The following DDX46 variants were observed in gnomAD, a reference collection of about 807,000 sequenced individuals.
DDX46 encodes the protein probable ATP-dependent RNA helicase DDX46.
In DDX46, 30 loss-of-function variants were observed where a neutral mutation model predicts 134.9. The observed-to-expected ratio is 0.22, with a 90% confidence interval of 0.17 to 0.30. The LOEUF (loss-of-function observed/expected upper bound fraction) is 0.30, where lower values mean the gene tolerates loss of function less well. DDX46 is among the 10% of genes least tolerant of loss of function. The probability of loss-of-function intolerance (pLI) is 1.00; values close to 1 mark genes in which losing one functional copy is unlikely to be tolerated. For synonymous variants in DDX46, 415 were observed against 404.1 expected, an observed-to-expected ratio of 1.03 and a Z score of -0.32; for missense variants, 622 against 1,248.7, an observed-to-expected ratio of 0.50 and a Z score of 7.56.
At chr5:134,783,848 C>CTTT (rs60870042) in intron 9 of DDX46, among the ~76,000 whole-genome samples, 3 of 131,320 alleles carry the variant, frequency 2.3e-5, no homozygotes, top group East Asian at 2.2e-4. Context: ...CAAGGCCGGC[C>CTTT]TTTTTTTTTT....
At chr5:134,782,845 G>A in intron 8 of DDX46, 100 bp from the exon 9 acceptor site, 2 of 1,455,008 alleles carry the variant, frequency 1.4e-6, no homozygotes, top group South Asian at 2.7e-5. Flanking sequence ...GCTGGGTCTG[G>A]CATAAGAGTT....
chr5:134,808,430 A>G (rs1755050898), intron 16 of DDX46, among the ~76,000 whole-genome samples: 1 of 152,192 alleles, frequency 6.6e-6, no homozygotes, highest in Admixed American at 6.6e-5. Context: ...AATTTACTGA[A>G]TACTGTACTG....
rs1753850253 is a variant in DDX46 at position 134,773,874 on chromosome 5, G to A, written c.613+13G>A. ...GAGGACGATGATGGTATATTTTTTA[G>A]CCTAATAGCCTGTATAACACCTCAT... On this transcript the variant is annotated intron_variant, in intron 5 of 22. Transcript: ENST00000452510. 6.3e-7 allele frequency: 1 copy of A among 1,582,330 alleles called. No individual in the cohort carries two copies. The highest frequency in any genetic ancestry group is 1.4e-5 in the African/African-American group (1 of 73,058).
chr5:134,779,967 C>T (rs555367579), intron 6 of DDX46, among the ~76,000 whole-genome samples: 6 of 152,152 alleles, frequency 3.9e-5, no homozygotes, highest in East Asian at 3.9e-4. Flanking sequence ...GGTGTGATGG[C>T]GGACGCCTCT....
intron 2 of DDX46, among the ~76,000 whole-genome samples, chr5:134,766,101 C>A (rs2150129718): frequency 6.6e-6 from 1 of 152,248 alleles, no homozygotes; most frequent in African/African-American, 2.4e-5. Flanking sequence ...GAAATTCTTG[C>A]CTCTTCATCT....
At chr5:134,773,002 G>C (rs1001247816) in intron 4 of DDX46, among the ~76,000 whole-genome samples, 65 of 152,302 alleles carry the variant, frequency 4.3e-4, no homozygotes, top group Non-Finnish European at 5.7e-4. Flanking sequence ...GTTTCACCAT[G>C]TTGGCCAGGG....
Position 134,766,975 on chromosome 5 carries a change from G to A in DDX46, c.265G>A (p.Asp89Asn), listed in dbSNP as rs1175514105. 1 of 1,614,086 alleles carries A rather than the reference G, an allele frequency of 6.2e-7. No individual in the cohort carries two copies. Among genetic ancestry groups the A allele is most frequent in the South Asian group, 1.1e-5 (1 of 91,078 alleles). ...AGAGCGAAGAAGATCTCGAAGTAGA[G>A]ACAGGAGACGCTCAAGGAGTAGAAG... is the stretch of plus-strand genomic sequence containing the variant. ...SRERRRSRSR[D>N]RRRSRSRSRG... The change falls in exon 3 of 23, where the codon GAC becomes AAC. Residue 89 changes from aspartate to asparagine, a missense_variant. Asp to Asn is a conservative substitution (Grantham distance 23). This residue lies in a region of DDX46 where 244 missense variants were observed against 349.3 expected (regional missense o/e 0.70). Coordinates refer to ENST00000452510, the MANE Select transcript of DDX46 (RefSeq NM_001300860.2).
At chr5:134,825,325 A>G (rs1469351532) in intron 21 of DDX46, among the ~76,000 whole-genome samples, 5 of 151,946 alleles carry the variant, frequency 3.3e-5, no homozygotes, top group Non-Finnish European at 7.4e-5. Flanking sequence ...TTCCCCACGT[A>G]GTTTTATAGT....
At chr5:134,799,733 C>T (rs1346814122) in intron 15 of DDX46, among the ~76,000 whole-genome samples, 14 of 147,098 alleles carry the variant, frequency 9.5e-5, no homozygotes, top group African/African-American at 3.5e-4. Context: ...AGCGAGACTC[C>T]GTCTCAAGAA....
rs1753479205 is a variant in DDX46 at position 134,764,003 on chromosome 5, G to T, written c.117G>T (p.Arg39=). The part of the protein sequence containing the change: ...DKRSKRGDDR[R]SRSRDRDRRR... ...GAAGTAAACGTGGAGATGACAGACGGTCTAGAAGTAGAGATAGAGATAGGA... is the reference window on the plus strand; with the variant it reads ...GAAGTAAACGTGGAGATGACAGACGTTCTAGAAGTAGAGATAGAGATAGGA... The change falls in exon 2 of 23, where the codon CGG becomes CGT. Residue 39 remains arginine (R), a synonymous_variant. Transcript: ENST00000452510. 1.2e-6 allele frequency: 2 copies of T among 1,614,200 alleles called. No homozygotes were observed. The highest frequency in any genetic ancestry group is 4.5e-5 in the East Asian group (2 of 44,886).
intron 11 of DDX46, among the ~76,000 whole-genome samples, chr5:134,788,135 T>G: frequency 6.6e-6 from 1 of 152,080 alleles, no homozygotes; most frequent in East Asian, 1.9e-4. Flanking sequence ...ACTTAGAAAT[T>G]TCTTTTTCTG....
intron 9 of DDX46, 108 bp from the exon 10 acceptor site, chr5:134,784,258 T>G: frequency 1.6e-5 from 18 of 1,120,028 alleles, no homozygotes; most frequent in African/African-American, 3.1e-5. Flanking sequence ...TTTTATTGTA[T>G]GATATATACC....
At chr5:134,779,942 T>A (rs939472460) in intron 6 of DDX46, among the ~76,000 whole-genome samples, 5 of 152,148 alleles carry the variant, frequency 3.3e-5, no homozygotes, top group Non-Finnish European at 7.3e-5. Flanking sequence ...CTACTAAAAA[T>A]ACAAGAATTA....
At chr5:134,781,790 AGT>A in intron 7 of DDX46, 129 bp from the exon 8 acceptor site, 1 of 845,308 alleles carries the variant, frequency 1.2e-6, no homozygotes, top group Middle Eastern at 3.6e-4. Context: ...TGGGTCAAAC[AGT>A]GTGTCGTAGA....
chr5:134,759,001 G>A, intron 1 of DDX46, 46 bp downstream of exon 1: 1 of 1,603,510 alleles, frequency 6.2e-7, no homozygotes, highest in Non-Finnish European at 8.5e-7. Context: ...GGCTTCTTGG[G>A]GTCGTGAGAA....
intron 1 of DDX46, among the ~76,000 whole-genome samples, chr5:134,762,702 C>G (rs966663412): frequency 6.6e-6 from 1 of 151,800 alleles, no homozygotes; most frequent in Non-Finnish European, 1.5e-5. Context: ...TATTGCATTC[C>G]AGCCTGGGCA....
chr5:134,785,748 G>A (rs1396633333), intron 11 of DDX46, among the ~76,000 whole-genome samples, 162 bp downstream of exon 11: 1 of 152,132 alleles, frequency 6.6e-6, no homozygotes, highest in African/African-American at 2.4e-5. Context: ...GTTATTTTAT[G>A]TAGGATGAAT....
At chr5:134,821,055 TGAGA>T (rs1284154043) in intron 21 of DDX46, among the ~76,000 whole-genome samples, 2 of 149,100 alleles carry the variant, frequency 1.3e-5, no homozygotes, top group South Asian at 2.1e-4. Context: ...TTTTTTTTTG[TGAGA>T]GAGAGTCTTG....
rs1434703988 is a variant in DDX46 at position 134,818,759 on chromosome 5, C to T, written c.2833-101C>T. 34 of 883,296 alleles carry T rather than the reference C, an allele frequency of 3.8e-5. No individual in the cohort carries two copies. In the East Asian group the frequency reaches 1.0e-3, roughly 26 times the overall value. 54.7% of individuals were successfully genotyped at this position (883,296 alleles called of 1,614,324 possible). On this transcript the variant is annotated intron_variant, in intron 20 of 22. Transcript: ENST00000452510. ...TGGAGAGAGAGAGAGAGAGAGAGACCAACCATAATATGATATCAGCCAGCC... is the reference window on the plus strand; with the variant it reads ...TGGAGAGAGAGAGAGAGAGAGAGACTAACCATAATATGATATCAGCCAGCC...
Sources: allele counts gnomAD v4.1 joint callset (sites outside exome capture counted in the v4.1 genomes callset), GRCh38; gene constraint gnomAD v4.1.1; regional missense constraint gnomAD v4.1.1; transcripts MANE v1.5; gene names NCBI Gene and HGNC (gene_info 2026-07-23, HGNC 2026-07-21).